SLC38A10: variants seen among roughly 807,000 people sequenced by gnomAD.
The protein encoded by SLC38A10 is Sodium-coupled neutral amino acid transporter 10.
In SLC38A10, 53 loss-of-function variants were observed where a neutral mutation model predicts 81.0. That is an observed-to-expected ratio of 0.65 (90% CI 0.53 to 0.82). SLC38A10 has a LOEUF of 0.82. SLC38A10 is among the 40% of genes least tolerant of loss of function. The pLI is 0.00. For missense variants in SLC38A10, 1,471 were observed against 1,545.0 expected, an observed-to-expected ratio of 0.95 and a Z score of 0.80; for synonymous variants, 665 against 655.3, an observed-to-expected ratio of 1.01 and a Z score of -0.23.
chr17:81,273,627 G>A (rs1344936643), intron 8 of SLC38A10, among the ~76,000 whole-genome samples: 3 of 152,138 alleles, frequency 2.0e-5, no homozygotes, highest in African/African-American at 4.8e-5. Context: ...AGTTCCTATC[G>A]GCCTCAGGGC....
Position 81,276,205 on chromosome 17 carries a change from C to T in SLC38A10, c.730-54G>A. On this transcript the variant is annotated intron_variant, in intron 7 of 15. Transcript: ENST00000374759. The surrounding 1 kb of genome is among the most constrained non-coding windows in gnomAD (Gnocchi z 4.7). ...GCAGACAGACATCCTAGCCGAGTGG[C>T]ACCTGTCACAGTGGGCAGGGCATGG... 1 of 1,510,510 alleles carries T rather than the reference C, an allele frequency of 6.6e-7. No homozygotes were observed. Among genetic ancestry groups the T allele is most frequent in the Non-Finnish European group, 8.9e-7 (1 of 1,120,060 alleles). The allele number at this position is 1,510,510 out of a possible 1,614,324, so 93.6% of individuals were successfully genotyped here. A position where few individuals can be genotyped will look rare whatever the true frequency, so the allele number is the denominator to read the frequency against.
At chr17:81,252,092 A>G (rs2062920861) in intron 13 of SLC38A10, 103 bp downstream of exon 13, 1 of 1,440,244 alleles carries the variant, frequency 6.9e-7, no homozygotes, top group African/African-American at 1.4e-5. Context: ...GCAGGGAGAG[A>G]GACTGGGGAC....
chr17:81,274,019 A>G (rs762731515), intron 8 of SLC38A10, among the ~76,000 whole-genome samples: 25 of 152,250 alleles, frequency 1.6e-4, no homozygotes, highest in Non-Finnish European at 2.9e-4. Context: ...AAGCTTTCCT[A>G]CTTGAGTCAC....
chr17:81,282,402 AG>A lies in SLC38A10; in HGVS notation c.358-71del. ...TCACCACCGGGCTCTCTGCACTGAC[AG>A]GGAGTGGGAGCGCCCCGAGCCCGAA... On this transcript the variant is annotated intron_variant, in intron 4 of 15. Transcript: ENST00000374759. The A allele has an allele frequency of 2.6e-6, 4 of 1,534,958 alleles. No individual in the cohort carries two copies. In the South Asian group the frequency reaches 4.7e-5, roughly 18 times the overall value.
At chr17:81,266,618 CAA>C (rs57854082) in intron 10 of SLC38A10, among the ~76,000 whole-genome samples, 19 of 82,060 alleles carry the variant, frequency 2.3e-4, no homozygotes, top group Non-Finnish European at 1.8e-4. Context: ...GACTCCATCT[CAA>C]AAAAAAAAAA....
intron 9 of SLC38A10, among the ~76,000 whole-genome samples, chr17:81,271,776 G>T (rs1239285760): frequency 7.0e-6 from 1 of 143,478 alleles, no homozygotes; most frequent in Non-Finnish European, 1.5e-5. Flanking sequence ...TTTTTGGCTG[G>T]AGTGTAGTGG....
rs767950165 is a variant in SLC38A10 at position 81,246,391 on chromosome 17, G to A, written c.2525C>T (p.Pro842Leu). Residue 842 changes from proline to leucine, a missense_variant, in exon 16 of 16, where the codon CCC becomes CTC. Physicochemically the swap from Pro to Leu is moderately conservative, Grantham distance 98. Transcript: ENST00000374759. ...CTCCTTCACAGTGCCAGCTGCCCTGGGGGCGGCATCCTTCTGGCCATCTCT... is the reference window on the plus strand; with the variant it reads ...CTCCTTCACAGTGCCAGCTGCCCTGAGGGCGGCATCCTTCTGGCCATCTCT... ...KLRDGQKDAA[P>L]RAAGTVKELP... is the part of the protein sequence containing the mutation. 21 of 1,600,286 alleles carry A rather than the reference G, an allele frequency of 1.3e-5. No individual in the cohort carries two copies. In the East Asian group the frequency reaches 3.6e-4, roughly 27 times the overall value.
rs1056823214 is a variant in SLC38A10 at position 81,277,607 on chromosome 17, C to T, written c.627-474G>A. 2.6e-5 allele frequency among the ~76,000 whole-genome samples: 4 copies of T among 152,216 alleles called. No individual in the cohort carries two copies. The highest frequency in any genetic ancestry group is 1.9e-4 in the East Asian group (1 of 5,194). On this transcript the variant is annotated intron_variant, in intron 6 of 15. Coordinates refer to ENST00000374759, the MANE Select transcript of SLC38A10 (RefSeq NM_001037984.3). This position sits in a 1 kb window ranked among gnomAD's most constrained non-coding sequence, Gnocchi z 4.5. Reference sequence around the variant, plus strand: ...GCACAGACAAGGAGGCGGCCTGGGGCGCGATTCCCCACTGCAGCCTCTCAC... The same window carrying T: ...GCACAGACAAGGAGGCGGCCTGGGGTGCGATTCCCCACTGCAGCCTCTCAC...
At chr17:81,291,278 C>G (rs988618136) in intron 1 of SLC38A10, among the ~76,000 whole-genome samples, 1 of 151,896 alleles carries the variant, frequency 6.6e-6, no homozygotes, top group Non-Finnish European at 1.5e-5. Context: ...GTCAGGAGTT[C>G]GAGACCAGCC....
Position 81,265,537 on chromosome 17 carries a change from C to T in SLC38A10, c.1132-5143G>A, listed in dbSNP as rs1345099138. The T allele has an allele frequency of 6.6e-6, 1 of 152,004 alleles. No homozygotes were observed. The highest frequency in any genetic ancestry group is 1.5e-5 in the Non-Finnish European group (1 of 68,092). 9.4% of individuals were successfully genotyped at this position (152,004 alleles called of 1,614,324 possible). A position where few individuals can be genotyped will look rare whatever the true frequency, so the allele number is the denominator to read the frequency against. Reference sequence around the variant, plus strand: ...CTTTCTCCAGCACAGCCTTGATTCACCTACTACACAGGTGTCCCCACTTCC... The same window carrying T: ...CTTTCTCCAGCACAGCCTTGATTCATCTACTACACAGGTGTCCCCACTTCC... On this transcript the variant is annotated intron_variant, in intron 10 of 15. Coordinates refer to ENST00000374759, the MANE Select transcript of SLC38A10 (RefSeq NM_001037984.3). This position sits in a 1 kb window ranked among gnomAD's most constrained non-coding sequence, Gnocchi z 4.2.
At position 81,277,853 on chromosome 17, in the gene SLC38A10, C is replaced by T. The variant is rs979468669; in HGVS notation, c.627-720G>A. Among the ~76,000 whole-genome samples the T allele has an allele frequency of 3.3e-5, 5 of 152,186 alleles. No homozygotes were observed. The highest frequency in any genetic ancestry group is 6.5e-5 in the Admixed American group (1 of 15,284). Reference sequence around the variant, plus strand: ...GGGCCATGGAGCATCTGTGTGCAGCCGGGGAGAAGGGAGTTGGGCCAGGCA... The same window carrying T: ...GGGCCATGGAGCATCTGTGTGCAGCTGGGGAGAAGGGAGTTGGGCCAGGCA... On this transcript the variant is annotated intron_variant, in intron 6 of 15. Transcript: ENST00000374759. The surrounding 1 kb of genome is among the most constrained non-coding windows in gnomAD (Gnocchi z 4.5).
chr17:81,259,864 C>T (rs901305256), intron 11 of SLC38A10, among the ~76,000 whole-genome samples: 7 of 152,200 alleles, frequency 4.6e-5, no homozygotes, highest in South Asian at 2.1e-4. Flanking sequence ...GCCTGATCGC[C>T]GACCCTGTCC....
intron 4 of SLC38A10, among the ~76,000 whole-genome samples, chr17:81,282,643 G>C (rs2063225252): frequency 1.3e-5 from 2 of 152,198 alleles, no homozygotes; most frequent in Non-Finnish European, 2.9e-5. Flanking sequence ...GGACTCAGCT[G>C]CCCTGGGCGA....
chr17:81,290,189 G>A (rs778944341), intron 1 of SLC38A10, among the ~76,000 whole-genome samples: 25 of 152,204 alleles, frequency 1.6e-4, no homozygotes, highest in Non-Finnish European at 3.7e-4. Flanking sequence ...GATTAAAAAT[G>A]CCATTTTCCC....
chr17:81,264,762 A>G (rs2063055480), intron 10 of SLC38A10: 1 of 152,200 alleles, frequency 6.6e-6, no homozygotes, highest in African/African-American at 2.4e-5. Context: ...CCACCCAGCA[A>G]GGCCCCGAGC....
chr17:81,293,911 T>G (rs1010660891), intron 1 of SLC38A10, among the ~76,000 whole-genome samples: 1 of 152,192 alleles, frequency 6.6e-6, no homozygotes, highest in Non-Finnish European at 1.5e-5. Flanking sequence ...AAATGGCCAT[T>G]TTCTTTCATG....
intron 8 of SLC38A10, among the ~76,000 whole-genome samples, chr17:81,275,455 C>A (rs1048099213): frequency 6.7e-6 from 1 of 149,680 alleles, no homozygotes; most frequent in Non-Finnish European, 1.5e-5. Flanking sequence ...TGCAGTGGGC[C>A]GGGCGCGGTG....
chr17:81,276,071 C>T lies in SLC38A10; in HGVS notation c.810G>A (p.Thr270=), dbSNP rs139896490. 2.8e-5 allele frequency: 45 copies of T among 1,613,870 alleles called. No homozygotes were observed. Among genetic ancestry groups the T allele is most frequent in the African/African-American group, 1.2e-4 (9 of 74,934 alleles). ...VLMHFPSNLV[T]EMLRVGFMMS... ...TCATGAAGCCCACACGGAGCATCTCCGTCACCAGGTTGGAGGGAAAGTGCA... is the reference window on the plus strand; with the variant it reads ...TCATGAAGCCCACACGGAGCATCTCTGTCACCAGGTTGGAGGGAAAGTGCA... The change falls in exon 8 of 16, where the codon ACG becomes ACA. Residue 270 remains threonine, a synonymous_variant. Coordinates refer to ENST00000374759, the MANE Select transcript of SLC38A10 (RefSeq NM_001037984.3). This position sits in a 1 kb window ranked among gnomAD's most constrained non-coding sequence, Gnocchi z 4.7.
chr17:81,272,801 A>G (rs1020207290), intron 8 of SLC38A10, among the ~76,000 whole-genome samples, 174 bp from the exon 9 acceptor site: 2 of 152,204 alleles, frequency 1.3e-5, no homozygotes, highest in Non-Finnish European at 2.9e-5. Context: ...TGGCTGAGCA[A>G]CTTAAACGGG....
Sources: gnomAD v4.1 joint callset for allele counts (sites outside exome capture counted in the v4.1 genomes callset) on GRCh38, gnomAD v4.1.1 for gene constraint, Gnocchi (gnomAD v3.1) non-coding constraint, MANE v1.5 for transcripts, NCBI Gene and HGNC (gene_info 2026-07-23, HGNC 2026-07-21) for gene names.